Variants in RTN3 observed in about 807,000 individuals in gnomAD.
RTN3 encodes the protein reticulon 3.
Under a neutral mutation model 77.8 loss-of-function variants are expected in RTN3, and 49 were observed. The observed-to-expected ratio is 0.63, with a 90% CI of 0.50 to 0.80. The LOEUF (loss-of-function observed/expected upper bound fraction) is 0.80, where lower values mean the gene tolerates loss of function less well. Ranked by LOEUF, RTN3 falls within the 30% of genes least tolerant of loss-of-function variation. The probability of loss-of-function intolerance (pLI) is 0.00; values close to 1 mark genes in which losing one functional copy is unlikely to be tolerated. For synonymous variants in RTN3, 464 were observed against 446.9 expected (o/e 1.04, Z -0.48); for missense variants, 1,236 against 1,211.9 (o/e 1.02, Z -0.29).
intron 3 of RTN3, among the ~76,000 whole-genome samples, chr11:63,728,177 CTT>C: frequency 6.6e-6 from 1 of 152,254 alleles, no homozygotes; most frequent in South Asian, 2.1e-4. Flanking sequence ...CAGGGATGTA[CTT>C]AATTCTTTTA....
chr11:63,740,448 A>AT (rs34045543), intron 3 of RTN3, among the ~76,000 whole-genome samples: 21,148 of 120,856 alleles, frequency 0.17, 2,071 homozygotes, highest in Non-Finnish European at 0.23. Context: ...TGCCTGGCTA[A>AT]TTTTTTTTTT....
chr11:63,714,846 A>G (rs951455790), intron 2 of RTN3, among the ~76,000 whole-genome samples: 8 of 152,288 alleles, frequency 5.3e-5, no homozygotes, highest in Non-Finnish European at 7.4e-5. Flanking sequence ...CTGTCAGGCT[A>G]TCATGGTGCT....
chr11:63,744,202 A>G (rs1003594614), intron 3 of RTN3, among the ~76,000 whole-genome samples: 1 of 117,230 alleles, frequency 8.5e-6, no homozygotes, highest in Non-Finnish European at 1.6e-5. Context: ...AGACCACACC[A>G]TTGCACTCGA....
chr11:63,723,400 A>G lies in RTN3; in HGVS notation c.2530+2368A>G, dbSNP rs146168067. On this transcript the variant is annotated intron_variant, in intron 3 of 8. Coordinates refer to ENST00000377819, the MANE Select transcript of RTN3 (RefSeq NM_001265589.2). ...ATTTCAGTAAAATGCATCAGTGTCT[A>G]GTTTTATTTATTTATCTTTTTTTTT... 7.8e-3 allele frequency among the ~76,000 whole-genome samples: 1,181 copies of G among 151,304 alleles called. 57 individuals are homozygous for G. Among genetic ancestry groups the G allele is most frequent in the Admixed American group, 0.071 (1,070 of 15,170 alleles).
chr11:63,749,915 G>A lies in RTN3; in HGVS notation c.2531-76G>A, dbSNP rs369250906. 2.1e-5 allele frequency: 23 copies of A among 1,072,890 alleles called. No homozygotes were observed. The East Asian group carries it at 4.0e-4, about 18-fold the overall frequency. The allele number at this position is 1,072,890 out of a possible 1,614,324, so 66.5% of individuals were successfully genotyped here. ...GGCATACCTGTATTTGTGTGCTAATGTGAGGCTCCACAGGTATGCAAGACA... is the reference window on the plus strand; with the variant it reads ...GGCATACCTGTATTTGTGTGCTAATATGAGGCTCCACAGGTATGCAAGACA... On this transcript the variant is annotated intron_variant, in intron 3 of 8. Coordinates refer to ENST00000377819, the MANE Select transcript of RTN3 (RefSeq NM_001265589.2).
intron 1 of RTN3, among the ~76,000 whole-genome samples, chr11:63,688,975 T>G (rs1941514786): frequency 6.6e-6 from 1 of 152,226 alleles, no homozygotes; most frequent in Non-Finnish European, 1.5e-5. Context: ...TTACCATTTT[T>G]GTAATTCTGA....
intron 2 of RTN3, among the ~76,000 whole-genome samples, chr11:63,717,128 C>T (rs767087887): frequency 2.0e-5 from 3 of 152,042 alleles, no homozygotes; most frequent in Non-Finnish European, 4.4e-5. Flanking sequence ...GTACCACTGG[C>T]ACTCCAGCCT....
At chr11:63,703,245 A>G (rs932126893) in intron 1 of RTN3, among the ~76,000 whole-genome samples, 2 of 152,208 alleles carry the variant, frequency 1.3e-5, no homozygotes, top group African/African-American at 4.8e-5. Context: ...TGCAAATACT[A>G]TGCCATTTTA....
At chr11:63,733,350 G>A (rs1026394284) in intron 3 of RTN3, among the ~76,000 whole-genome samples, 5 of 152,080 alleles carry the variant, frequency 3.3e-5, no homozygotes, top group African/African-American at 9.7e-5. Flanking sequence ...TTACCCGGGC[G>A]TGGTGGCACG....
At chr11:63,737,478 C>G (rs115858530) in intron 3 of RTN3, among the ~76,000 whole-genome samples, 1 of 152,040 alleles carries the variant, frequency 6.6e-6, no homozygotes, top group Admixed American at 6.6e-5. Flanking sequence ...GATGTGGTGA[C>G]GGGCACCCGT....
intron 1 of RTN3, among the ~76,000 whole-genome samples, chr11:63,682,486 A>C (rs1307099727): frequency 6.6e-6 from 1 of 152,168 alleles, no homozygotes; most frequent in African/African-American, 2.4e-5. Context: ...CTGCATCTGC[A>C]ACAGCCTGCT....
intron 3 of RTN3, among the ~76,000 whole-genome samples, chr11:63,727,111 C>T (rs1184290561): frequency 6.7e-6 from 1 of 149,514 alleles, no homozygotes; most frequent in Admixed American, 6.7e-5. Context: ...GATCGCACCA[C>T]TGCACTCCAG....
chr11:63,705,428 G>A (rs535148302), intron 2 of RTN3, among the ~76,000 whole-genome samples: 3 of 152,290 alleles, frequency 2.0e-5, no homozygotes, highest in South Asian at 2.1e-4. Flanking sequence ...TGCAGTGAGC[G>A]ATGATCGTGC....
At chr11:63,696,482 A>G (rs1306993153) in intron 1 of RTN3, among the ~76,000 whole-genome samples, 3 of 150,828 alleles carry the variant, frequency 2.0e-5, no homozygotes, top group Non-Finnish European at 4.4e-5. Context: ...CTAAGGTAGG[A>G]GGATGGCTTG....
At chr11:63,732,701 ACT>A (rs1311859574) in intron 3 of RTN3, among the ~76,000 whole-genome samples, 3 of 152,246 alleles carry the variant, frequency 2.0e-5, no homozygotes, top group East Asian at 1.9e-4. Flanking sequence ...CAGTATCAAA[ACT>A]CTTTCCACAA....
intron 3 of RTN3, among the ~76,000 whole-genome samples, chr11:63,731,618 A>C (rs1326332247): frequency 1.3e-5 from 2 of 152,160 alleles, no homozygotes; most frequent in South Asian, 2.1e-4. Flanking sequence ...TGTGGAATAC[A>C]GTGCTGAGAG....
intron 3 of RTN3, among the ~76,000 whole-genome samples, chr11:63,723,674 G>C (rs2011994274): frequency 6.6e-6 from 1 of 152,086 alleles, no homozygotes; most frequent in Admixed American, 6.6e-5. Flanking sequence ...TGATCCGCCT[G>C]CGTTGGCCTC....
chr11:63,694,348 G>C (rs916204603), intron 1 of RTN3, among the ~76,000 whole-genome samples: 15 of 152,102 alleles, frequency 9.9e-5, no homozygotes, highest in Admixed American at 9.8e-4. Context: ...GGCTAATTTT[G>C]TATTTTTAGT....
At chr11:63,690,404 C>T (rs1291115190) in intron 1 of RTN3, among the ~76,000 whole-genome samples, 2 of 152,088 alleles carry the variant, frequency 1.3e-5, no homozygotes, top group Non-Finnish European at 2.9e-5. Context: ...GGCTCTTTGC[C>T]AGGTGCTGTG....
Sources: allele counts gnomAD v4.1 joint callset (sites outside exome capture counted in the v4.1 genomes callset), GRCh38; gene constraint gnomAD v4.1.1; transcripts MANE v1.5; gene names NCBI Gene and HGNC (gene_info 2026-07-23, HGNC 2026-07-21).